IMMP2L: variants seen among roughly 807,000 people sequenced by gnomAD.
IMMP2L encodes the protein mitochondrial inner membrane protease subunit 2.
IMMP2L carries 18 observed loss-of-function variants against 19.3 expected under a neutral mutation model. The ratio of observed to expected loss-of-function variants is 0.93; its 90% CI spans 0.64 to 1.38. IMMP2L has a LOEUF of 1.38. IMMP2L is among the 40% of genes most tolerant of loss of function. IMMP2L has a pLI of 0.00. For synonymous variants in IMMP2L, 76 were observed against 73.0 expected (o/e 1.04, Z -0.21); for missense variants, 233 against 218.2 (o/e 1.07, Z -0.43).
intron 5 of IMMP2L, among the ~76,000 whole-genome samples, chr7:110,831,428 GTGTT>G (rs1325944486): frequency 6.6e-6 from 1 of 152,110 alleles, no homozygotes; most frequent in African/African-American, 2.4e-5. Context: ...ATCTGGGTGA[GTGTT>G]TGATTACACA....
chr7:111,119,629 T>C (rs75539080), intron 3 of IMMP2L, among the ~76,000 whole-genome samples: 1 of 152,210 alleles, frequency 6.6e-6, no homozygotes, highest in Non-Finnish European at 1.5e-5. Context: ...TTTACTGAAA[T>C]TAGAAATTAA....
chr7:111,242,062 T>G (rs985931080), intron 3 of IMMP2L, among the ~76,000 whole-genome samples: 2 of 152,028 alleles, frequency 1.3e-5, no homozygotes, highest in African/African-American at 2.4e-5. Flanking sequence ...CACTGAGTTT[T>G]GCATCATAGA....
At chr7:111,503,808 A>G (rs1585398920) in intron 2 of IMMP2L, among the ~76,000 whole-genome samples, 1 of 152,306 alleles carries the variant, frequency 6.6e-6, no homozygotes, top group African/African-American at 2.4e-5. Flanking sequence ...TTAGATATTG[A>G]TGGGACGTAT....
chr7:110,713,852 T>A (rs1795060978), intron 5 of IMMP2L, among the ~76,000 whole-genome samples: 1 of 152,160 alleles, frequency 6.6e-6, no homozygotes, highest in Non-Finnish European at 1.5e-5. Flanking sequence ...TTTCTAGGTA[T>A]ACAATCATAT....
intron 4 of IMMP2L, among the ~76,000 whole-genome samples, chr7:110,958,078 AATG>A (rs1818548942): frequency 6.6e-6 from 1 of 151,962 alleles, no homozygotes. Context: ...GAACTGATTA[AATG>A]ATATTTAACC....
chr7:110,740,038 A>G (rs1261306364), intron 5 of IMMP2L, among the ~76,000 whole-genome samples: 1 of 152,182 alleles, frequency 6.6e-6, no homozygotes. Context: ...ACAACCTATC[A>G]AAACCTCTGG....
chr7:111,030,858 A>G (rs530721229), intron 3 of IMMP2L, among the ~76,000 whole-genome samples: 6 of 126,114 alleles, frequency 4.8e-5, no homozygotes, highest in African/African-American at 1.4e-4. Context: ...GTATATACAT[A>G]TGTGTGTGTA....
At chr7:110,946,424 A>G (rs1817256058) in intron 4 of IMMP2L, among the ~76,000 whole-genome samples, 1 of 152,164 alleles carries the variant, frequency 6.6e-6, no homozygotes, top group South Asian at 2.1e-4. Context: ...GTAAACTCCC[A>G]TGTCTCTATA....
chr7:110,726,980 A>G (rs1353022458), intron 5 of IMMP2L, among the ~76,000 whole-genome samples: 4 of 152,224 alleles, frequency 2.6e-5, no homozygotes, highest in African/African-American at 9.6e-5. Flanking sequence ...TCAACAAAAA[A>G]CACAGGAGGG....
intron 4 of IMMP2L, among the ~76,000 whole-genome samples, chr7:110,952,522 T>C (rs1321750563): frequency 2.0e-5 from 3 of 152,096 alleles, no homozygotes; most frequent in African/African-American, 4.8e-5. Flanking sequence ...TCCATCTGTA[T>C]TGGGGGAAAA....
At chr7:110,939,849 T>C (rs1585354441) in intron 4 of IMMP2L, among the ~76,000 whole-genome samples, 1 of 152,120 alleles carries the variant, frequency 6.6e-6, no homozygotes, top group South Asian at 2.1e-4. Context: ...GTTGAAGTTC[T>C]GACACAGCAA....
intron 3 of IMMP2L, among the ~76,000 whole-genome samples, chr7:111,037,207 T>G (rs1791437341): frequency 1.3e-5 from 2 of 152,162 alleles, no homozygotes; most frequent in South Asian, 2.1e-4. Context: ...TAAACCAAAC[T>G]AACATATACA....
chr7:111,114,777 A>G (rs1180676340), intron 3 of IMMP2L, among the ~76,000 whole-genome samples: 1 of 151,932 alleles, frequency 6.6e-6, no homozygotes, highest in African/African-American at 2.4e-5. Flanking sequence ...AAAAAGAAAT[A>G]CATTGAAACC....
intron 3 of IMMP2L, among the ~76,000 whole-genome samples, chr7:111,076,378 A>G (rs1447535971): frequency 6.6e-6 from 1 of 152,204 alleles, no homozygotes. Flanking sequence ...GCTGTGATCT[A>G]TGGTTGGTAA....
At chr7:111,539,589 G>T (rs1848338112) in intron 1 of IMMP2L, among the ~76,000 whole-genome samples, 1 of 150,490 alleles carries the variant, frequency 6.6e-6, no homozygotes, top group Admixed American at 6.6e-5. Flanking sequence ...AGTGAACAGA[G>T]TTCTGAACTG....
intron 3 of IMMP2L, among the ~76,000 whole-genome samples, chr7:111,189,104 C>A (rs1395560952): frequency 6.6e-6 from 1 of 152,054 alleles, no homozygotes; most frequent in Non-Finnish European, 1.5e-5. Flanking sequence ...GGCACCACAG[C>A]CAAACAGTGC....
chr7:110,804,625 G>A (rs1054975341), intron 5 of IMMP2L, among the ~76,000 whole-genome samples: 2 of 152,018 alleles, frequency 1.3e-5, no homozygotes, highest in African/African-American at 4.8e-5. Context: ...AGTGTGAGGT[G>A]GACACCTAAG....
At chr7:111,432,717 G>A (rs111578641) in intron 3 of IMMP2L, among the ~76,000 whole-genome samples, 4 of 151,338 alleles carry the variant, frequency 2.6e-5, no homozygotes, top group African/African-American at 9.8e-5. Context: ...TCTCACTAGA[G>A]CAATCAGGCA....
At chr7:111,097,262 T>A (rs1037749534) in intron 3 of IMMP2L, 1 of 151,952 alleles carries the variant, frequency 6.6e-6, no homozygotes, top group African/African-American at 2.4e-5. Context: ...AACAGCAGAA[T>A]GTGTTCTCCA....
Sources: gnomAD v4.1 joint callset for allele counts (sites outside exome capture counted in the v4.1 genomes callset) on GRCh38, gnomAD v4.1.1 for gene constraint, MANE v1.5 for transcripts, NCBI Gene and HGNC (gene_info 2026-07-23, HGNC 2026-07-21) for gene names.